KIF2C: variants seen among roughly 807,000 people sequenced by gnomAD.
KIF2C encodes the protein kinesin-like protein KIF2C.
KIF2C carries 34 observed loss-of-function variants against 97.4 expected under a neutral mutation model. That is an observed-to-expected ratio of 0.35 (90% CI 0.27 to 0.46). The LOEUF (loss-of-function observed/expected upper bound fraction) is 0.46, where lower values mean the gene tolerates loss of function less well. KIF2C is among the 20% of genes least tolerant of loss of function. KIF2C has a pLI of 1.00. For missense variants in KIF2C, 750 were observed against 907.6 expected (o/e 0.83, Z 2.23); for synonymous variants, 313 against 318.2 (o/e 0.98, Z 0.17).
intron 19 of KIF2C, among the ~76,000 whole-genome samples, chr1:44,764,670 C>T (rs1650355684): frequency 6.6e-6 from 1 of 151,608 alleles, no homozygotes; most frequent in South Asian, 2.1e-4. Context: ...CCACCACGCC[C>T]AGCTAATTTT....
At chr1:44,748,365 T>C (rs532388063) in intron 4 of KIF2C, among the ~76,000 whole-genome samples, 14 of 152,264 alleles carry the variant, frequency 9.2e-5, no homozygotes, top group African/African-American at 3.4e-4. Flanking sequence ...AATACTTGGC[T>C]GGAGCTTCAG....
chr1:44,764,154 C>T (rs1289206785), intron 19 of KIF2C, among the ~76,000 whole-genome samples: 1 of 151,958 alleles, frequency 6.6e-6, no homozygotes, highest in African/African-American at 2.4e-5. Context: ...TACAAGGTAC[C>T]CCCCAAAATA....
intron 1 of KIF2C, 63 bp downstream of exon 1, chr1:44,740,065 C>T (rs1425594018): frequency 6.3e-7 from 1 of 1,576,500 alleles, no homozygotes; most frequent in Non-Finnish European, 8.7e-7. Context: ...AAATTACTGC[C>T]CGTCCCCGGA....
At chr1:44,749,446 G>GA (rs973904475) in intron 4 of KIF2C, among the ~76,000 whole-genome samples, 2 of 150,554 alleles carry the variant, frequency 1.3e-5, no homozygotes, top group African/African-American at 4.9e-5. Context: ...AAAAAACAAA[G>GA]AAAAAAAATT....
At chr1:44,751,001 G>A in intron 5 of KIF2C, among the ~76,000 whole-genome samples, 1 of 152,016 alleles carries the variant, frequency 6.6e-6, no homozygotes, top group East Asian at 1.9e-4. Context: ...TAAGTACACA[G>A]AGCATTGAGT....
chr1:44,759,413 C>G, intron 14 of KIF2C, 65 bp downstream of exon 14: 1 of 1,589,956 alleles, frequency 6.3e-7, no homozygotes, highest in Admixed American at 1.7e-5. Context: ...AAGTCTAGCT[C>G]TGAGCACATT....
intron 13 of KIF2C, among the ~76,000 whole-genome samples, chr1:44,758,420 T>G (rs1216610603): frequency 1.3e-5 from 2 of 152,148 alleles, no homozygotes; most frequent in Non-Finnish European, 2.9e-5. Context: ...CCTTCATCCC[T>G]TCTTCCCCGA....
At chr1:44,766,720 C>G (rs909002391) in intron 19 of KIF2C, 106 bp from the exon 20 acceptor site, 2 of 1,263,164 alleles carry the variant, frequency 1.6e-6, no homozygotes, top group Non-Finnish European at 2.2e-6. Context: ...GGGTCAGGGA[C>G]CAGAGGTAAA....
At chr1:44,753,601 G>A (rs143391304) in intron 6 of KIF2C, 132 bp from the exon 7 acceptor site, 1 of 624,266 alleles carries the variant, frequency 1.6e-6, no homozygotes, top group Non-Finnish European at 2.8e-6. Context: ...TGATTTAAGA[G>A]TAAGGATCTA....
chr1:44,758,042 C>T lies in KIF2C; in HGVS notation c.1133-7C>T. 1 of 1,614,162 alleles carries T rather than the reference C, an allele frequency of 6.2e-7. No individual in the cohort carries two copies. The highest frequency in any genetic ancestry group is 8.5e-7 in the Non-Finnish European group (1 of 1,179,996). ...GGTTGTTTGCTTAGCAAAGTTCTCT[C>T]CCTCAGCCCGGGACGTCTTCCTCCT... On this transcript the variant is annotated splice_polypyrimidine_tract_variant and splice_region_variant and intron_variant, in intron 12 of 20. Coordinates refer to ENST00000372224, the MANE Select transcript of KIF2C (RefSeq NM_006845.4).
In KIF2C at chr1:44,748,707, ATTTTTT is replaced by A. The variant is rs928683142; in HGVS notation, c.316+1022_316+1027del. 2.5e-3 allele frequency among the ~76,000 whole-genome samples: 309 copies of A among 123,118 alleles called. 1 individual carries two copies. Among genetic ancestry groups the A allele is most frequent in the African/African-American group, 9.7e-3 (298 of 30,768 alleles). 80.8% of individuals were successfully genotyped at this position (123,118 alleles called of 152,430 possible). On this transcript the variant is annotated intron_variant, in intron 4 of 20. Coordinates refer to ENST00000372224, the MANE Select transcript of KIF2C (RefSeq NM_006845.4). ...AGGTGTGCCCCATCACACCTGGCTA[ATTTTTT>A]TTTTTTTTTTTTTTGTAGAGACAAG...
Position 44,762,349 on chromosome 1 carries a change from C to A in KIF2C, c.1755C>A (p.Val585=). ...TGAGACCTCCTTGTTTCCTCAGGGT[C>A]AAGGAGCTGAGCCCCCACAGTGGGC... ...TLNTLRYADR[V]KELSPHSGPS... The change falls in exon 18 of 21, where the codon GTC becomes GTA. Residue 585 remains valine (V), a synonymous_variant. Coordinates refer to ENST00000372224, the MANE Select transcript of KIF2C (RefSeq NM_006845.4). 1.2e-6 allele frequency: 2 copies of A among 1,613,574 alleles called. No individual in the cohort carries two copies. The highest frequency in any genetic ancestry group is 2.2e-5 in the South Asian group (2 of 91,004).
intron 5 of KIF2C, among the ~76,000 whole-genome samples, chr1:44,751,081 C>T (rs555664483): frequency 2.6e-4 from 40 of 152,238 alleles, no homozygotes; most frequent in Non-Finnish European, 4.1e-4. Flanking sequence ...ATTAACAGAA[C>T]TTCAAAAGTC....
At chr1:44,754,646 A>G (rs1202082145) in intron 7 of KIF2C, 104 bp from the exon 8 acceptor site, 3 of 783,754 alleles carry the variant, frequency 3.8e-6, no homozygotes, top group East Asian at 4.9e-5. Context: ...GACTTTGACA[A>G]CTATGAAGGG....
In KIF2C at chr1:44,739,844, G is replaced by A. The variant is rs527738398; in HGVS notation, c.-89G>A. The A allele has an allele frequency of 2.5e-6, 3 of 1,204,674 alleles. No individual in the cohort carries two copies. Among genetic ancestry groups the A allele is most frequent in the South Asian group, 2.4e-5 (2 of 82,438 alleles). 74.6% of individuals were successfully genotyped at this position (1,204,674 alleles called of 1,614,324 possible). ...CGCTTGCGCGCGGGATTTAAACTGC[G>A]GCGGTTTACGCGGCGTTAAGACTTC... is the stretch of plus-strand genomic sequence containing the variant. On this transcript the variant is annotated 5_prime_UTR_variant, in exon 1 of 21. Transcript: ENST00000372224.
chr1:44,749,062 C>T (rs147368714), intron 4 of KIF2C, among the ~76,000 whole-genome samples: 1,574 of 152,230 alleles, frequency 0.01, 16 homozygotes, highest in Non-Finnish European at 0.015. Flanking sequence ...TTTGAGGGGC[C>T]AAGGTGGGCA....
chr1:44,765,857 G>A (rs932230817), intron 19 of KIF2C, among the ~76,000 whole-genome samples: 7 of 152,174 alleles, frequency 4.6e-5, no homozygotes, highest in African/African-American at 1.7e-4. Context: ...TTTGAGACCA[G>A]CCTGGCTAAC....
At position 44,753,020 on chromosome 1, in the gene KIF2C, G is replaced by A. The variant is rs537489232; in HGVS notation, c.440-112G>A. 9.1e-6 allele frequency: 12 copies of A among 1,312,654 alleles called. No homozygotes were observed. The African/African-American group carries it at 1.0e-4, about 11-fold the overall frequency. 81.3% of individuals were successfully genotyped at this position (1,312,654 alleles called of 1,614,324 possible). A position where few individuals can be genotyped will look rare whatever the true frequency, so the allele number is the denominator to read the frequency against. ...AGCACAAGCTCTGCACATACTGTAA[G>A]CCTTACCGAGCAGGCAGGTCGCTCT... On this transcript the variant is annotated intron_variant, in intron 5 of 20. Coordinates refer to ENST00000372224, the MANE Select transcript of KIF2C (RefSeq NM_006845.4).
chr1:44,747,745 G>T (rs1223798929), intron 4 of KIF2C, 45 bp downstream of exon 4: 1 of 1,568,918 alleles, frequency 6.4e-7, no homozygotes, highest in Admixed American at 1.7e-5. Context: ...TTTGTGTCAG[G>T]AATTATGTTT....
Sources: allele counts gnomAD v4.1 joint callset (sites outside exome capture counted in the v4.1 genomes callset), GRCh38; gene constraint gnomAD v4.1.1; transcripts MANE v1.5; gene names NCBI Gene and HGNC (gene_info 2026-07-23, HGNC 2026-07-21).